BNC2: variants seen among roughly 807,000 people sequenced by gnomAD.
The protein encoded by BNC2 is zinc finger protein basonuclin-2.
A neutral mutation model predicts 76.3 loss-of-function variants in BNC2; 20 were observed. The ratio of observed to expected loss-of-function variants is 0.26; its 90% CI spans 0.18 to 0.38. The LOEUF (loss-of-function observed/expected upper bound fraction) is 0.38. Among genes scored for constraint, BNC2 ranks in the 10% least tolerant of loss-of-function variants. BNC2 has a pLI of 1.00. For missense variants in BNC2, 1,382 were observed against 1,399.8 expected, an observed-to-expected ratio of 0.99 and a Z score of 0.20; for synonymous variants, 582 against 514.8, an observed-to-expected ratio of 1.13 and a Z score of -1.77.
intron 1 of BNC2, among the ~76,000 whole-genome samples, chr9:16,800,557 C>A (rs192721835): frequency 2.6e-5 from 4 of 151,982 alleles, no homozygotes; most frequent in Non-Finnish European, 2.9e-5. Flanking sequence ...GGCACTGGAA[C>A]TCTTTTTTTT....
At chr9:16,559,171 T>G (rs1487069806) in intron 4 of BNC2, among the ~76,000 whole-genome samples, 1 of 152,198 alleles carries the variant, frequency 6.6e-6, no homozygotes, top group African/African-American at 2.4e-5. Context: ...ATCAACTATA[T>G]ATCAGGCATC....
rs146292847 is a variant in BNC2, at chr9:16,673,645, A to T, written c.330+54152T>A. ...CACAAGGCTAACCAGCCAGGTTTAT[A>T]CAGAATAGATTAAATAACAAGATAA... is the stretch of plus-strand genomic sequence containing the variant. On this transcript the variant is annotated intron_variant, in intron 3 of 6. Transcript: ENST00000380672. Among the ~76,000 whole-genome samples the T allele has an allele frequency of 5.9e-5, 9 of 152,326 alleles. No individual in the cohort carries two copies. The East Asian group carries it at 1.2e-3, about 20-fold the overall frequency.
intron 5 of BNC2, among the ~76,000 whole-genome samples, chr9:16,499,134 T>TA (rs910772840): frequency 7.2e-5 from 11 of 152,216 alleles, no homozygotes; most frequent in African/African-American, 1.9e-4. Flanking sequence ...ACTGCACTCT[T>TA]ACTATTTGTT....
chr9:16,575,028 A>G (rs886376969), intron 4 of BNC2, among the ~76,000 whole-genome samples: 1 of 152,230 alleles, frequency 6.6e-6, no homozygotes, highest in Admixed American at 6.5e-5. Context: ...TAGTGATAAC[A>G]GCAACTAACA....
intron 5 of BNC2, among the ~76,000 whole-genome samples, chr9:16,502,494 G>C (rs1276634173): frequency 3.3e-5 from 5 of 152,062 alleles, no homozygotes; most frequent in Admixed American, 3.3e-4. Flanking sequence ...ATGGTTTTGG[G>C]ATACCCTTGG....
At chr9:16,785,180 T>C (rs1225011011) in intron 1 of BNC2, among the ~76,000 whole-genome samples, 1 of 152,192 alleles carries the variant, frequency 6.6e-6, no homozygotes, top group East Asian at 1.9e-4. Flanking sequence ...TTAATATGTG[T>C]CCACATTTAT....
chr9:16,618,445 G>A (rs140241520), intron 3 of BNC2, among the ~76,000 whole-genome samples: 8 of 152,268 alleles, frequency 5.3e-5, no homozygotes, highest in Non-Finnish European at 7.4e-5. Flanking sequence ...GCTATATCGA[G>A]CATGGCCACG....
chr9:16,628,253 G>C (rs1821054743), intron 3 of BNC2, among the ~76,000 whole-genome samples: 1 of 152,196 alleles, frequency 6.6e-6, no homozygotes, highest in Non-Finnish European at 1.5e-5. Flanking sequence ...AGCAATATAA[G>C]TGTGTCTGCC....
chr9:16,626,642 T>C (rs1340513812), intron 3 of BNC2, among the ~76,000 whole-genome samples: 2 of 151,942 alleles, frequency 1.3e-5, no homozygotes, highest in African/African-American at 4.8e-5. Flanking sequence ...CTGGCCCTCA[T>C]CTCCTTCTTG....
chr9:16,642,864 TCTAA>T (rs1316149194), intron 3 of BNC2, among the ~76,000 whole-genome samples: 1 of 152,226 alleles, frequency 6.6e-6, no homozygotes, highest in Non-Finnish European at 1.5e-5. Flanking sequence ...AGTTCTGGAA[TCTAA>T]CTATCAGGGT....
chr9:16,844,493 C>CT (rs67281132), intron 1 of BNC2, among the ~76,000 whole-genome samples: 40 of 103,324 alleles, frequency 3.9e-4, no homozygotes, highest in East Asian at 1.3e-3. Context: ...TTTTTCTTTT[C>CT]TTTTTTTTTT....
At chr9:16,674,598 G>C (rs1030368411) in intron 3 of BNC2, among the ~76,000 whole-genome samples, 3 of 152,084 alleles carry the variant, frequency 2.0e-5, no homozygotes, top group Admixed American at 6.5e-5. Flanking sequence ...TTTATTTATG[G>C]ATCTAATCGA....
chr9:16,720,707 G>A (rs1036714448), intron 3 of BNC2, among the ~76,000 whole-genome samples: 6 of 151,960 alleles, frequency 3.9e-5, no homozygotes, highest in African/African-American at 1.5e-4. Flanking sequence ...TTTTTAATCG[G>A]AATGATGATT....
chr9:16,862,089 G>T (rs557400826), intron 1 of BNC2, among the ~76,000 whole-genome samples: 1 of 152,192 alleles, frequency 6.6e-6, no homozygotes, highest in Non-Finnish European at 1.5e-5. Flanking sequence ...TGCTGCAGTT[G>T]CGTTGGAAAA....
chr9:16,600,419 T>C, intron 3 of BNC2, among the ~76,000 whole-genome samples: 1 of 152,194 alleles, frequency 6.6e-6, no homozygotes, highest in East Asian at 1.9e-4. Flanking sequence ...TGCCAGATGG[T>C]ATGTCTCCTA....
chr9:16,489,000 G>T (rs1587087854), intron 5 of BNC2, among the ~76,000 whole-genome samples: 2 of 152,004 alleles, frequency 1.3e-5, no homozygotes, highest in South Asian at 2.1e-4. Flanking sequence ...TAAGACAATA[G>T]AATTAAAAAT....
chr9:16,696,770 G>GT (rs1194086922), intron 3 of BNC2, among the ~76,000 whole-genome samples: 18 of 152,230 alleles, frequency 1.2e-4, no homozygotes, highest in African/African-American at 4.3e-4. Flanking sequence ...TATTCCAGCA[G>GT]ATCCTCAACA....
At chr9:16,723,235 A>C (rs1293630423) in intron 3 of BNC2, among the ~76,000 whole-genome samples, 1 of 152,120 alleles carries the variant, frequency 6.6e-6, no homozygotes, top group African/African-American at 2.4e-5. Flanking sequence ...GCAGAAAGCA[A>C]GCTAGGGATG....
chr9:16,522,569 G>A (rs982299207), intron 5 of BNC2, among the ~76,000 whole-genome samples: 12 of 152,168 alleles, frequency 7.9e-5, no homozygotes, highest in African/African-American at 2.9e-4. Context: ...ATGGGGGAGG[G>A]TGTGACTGAG....
Sources: gnomAD v4.1 joint callset for allele counts (sites outside exome capture counted in the v4.1 genomes callset) on GRCh38, gnomAD v4.1.1 for gene constraint, MANE v1.5 for transcripts, NCBI Gene and HGNC (gene_info 2026-07-23, HGNC 2026-07-21) for gene names.